The following CASR variants were observed in gnomAD, a reference collection of about 807,000 sequenced individuals.
CASR encodes calcium sensing receptor, also known as extracellular calcium-sensing receptor.
Under a neutral mutation model 69.1 loss-of-function variants are expected in CASR, and 23 were observed. That is an observed-to-expected ratio of 0.33 (90% CI 0.24 to 0.47). CASR has a LOEUF of 0.47. CASR is among the 20% of genes least tolerant of loss of function. The probability of loss-of-function intolerance (pLI) is 1.00; values close to 1 mark genes in which losing one functional copy is unlikely to be tolerated. For synonymous variants in CASR, 541 were observed against 544.7 expected, an observed-to-expected ratio of 0.99 and a Z score of 0.10; for missense variants, 924 against 1,356.1, an observed-to-expected ratio of 0.68 and a Z score of 5.00.
In CASR at chr3:122,289,663, G is replaced by C. The variant is rs1357944155; in HGVS notation, c.*4472G>C. 6.6e-6 allele frequency: 1 copy of C among 152,436 alleles called. No individual in the cohort carries two copies. Among genetic ancestry groups the C allele is most frequent in the African/African-American group, 2.4e-5 (1 of 41,462 alleles). The allele number at this position is 152,436 out of a possible 1,614,324, so 9.4% of individuals were successfully genotyped here. A position where few individuals can be genotyped will look rare whatever the true frequency, so the allele number is the denominator to read the frequency against. Reference sequence around the variant, plus strand: ...GGGACAACTGTGACTCTAGCACCGAGTGGGGCTAGGGGAACCTTCTCCTCT... The same window carrying C: ...GGGACAACTGTGACTCTAGCACCGACTGGGGCTAGGGGAACCTTCTCCTCT... On this transcript the variant is annotated 3_prime_UTR_variant, in exon 7 of 7. Coordinates refer to ENST00000639785, the MANE Select transcript of CASR (RefSeq NM_000388.4).
chr3:122,249,011 G>A (rs531540356), intron 1 of CASR, among the ~76,000 whole-genome samples: 2 of 152,334 alleles, frequency 1.3e-5, no homozygotes, highest in South Asian at 2.1e-4. Flanking sequence ...TCATGGAGAA[G>A]CCTCTGCCTA....
chr3:122,197,180 C>A (rs541928621), intron 1 of CASR, among the ~76,000 whole-genome samples: 188 of 152,198 alleles, frequency 1.2e-3, no homozygotes, highest in Admixed American at 2.9e-3. Flanking sequence ...TTTTGCCCAC[C>A]AACCTGGTGG....
intron 1 of CASR, among the ~76,000 whole-genome samples, chr3:122,240,848 G>T (rs916661349): frequency 6.6e-6 from 1 of 152,000 alleles, no homozygotes; most frequent in African/African-American, 2.4e-5. Flanking sequence ...TGACCACAAT[G>T]AAATAAAACT....
chr3:122,212,767 G>A (rs1243713058), intron 1 of CASR, among the ~76,000 whole-genome samples: 3 of 151,692 alleles, frequency 2.0e-5, no homozygotes, highest in African/African-American at 4.9e-5. Context: ...TCAGCTTCCC[G>A]AGTAGCTGGG....
intron 1 of CASR, among the ~76,000 whole-genome samples, chr3:122,231,859 C>T (rs901052279): frequency 2.0e-5 from 3 of 152,024 alleles, no homozygotes; most frequent in African/African-American, 7.3e-5. Context: ...TTGTAAATAC[C>T]GACGGGCTTG....
intron 1 of CASR, among the ~76,000 whole-genome samples, chr3:122,222,645 G>A (rs2074183025): frequency 6.6e-6 from 1 of 152,002 alleles, no homozygotes; most frequent in Non-Finnish European, 1.5e-5. Flanking sequence ...CCACTGACAG[G>A]ATTAGACAGA....
intron 1 of CASR, among the ~76,000 whole-genome samples, chr3:122,205,086 T>A (rs2073993504): frequency 6.6e-6 from 1 of 152,120 alleles, no homozygotes; most frequent in South Asian, 2.1e-4. Flanking sequence ...TTTGATGTAA[T>A]CCCATTTTTC....
At position 122,284,995 on chromosome 3, in the gene CASR, TC is replaced by T. The variant is rs2074952162; in HGVS notation, c.3044del (p.Pro1015ArgfsTer9). ...ACGCTGACCCGACACGAGCCATTAC[TC>T]CCGCTGCAGTGCGGGGAAACGGACT... ...SDTLTRHEPL[L>X]PLQCGETDLD... On this transcript the variant is annotated frameshift_variant, in exon 7 of 7. Transcript: ENST00000639785. LOFTEE classifies it low-confidence loss of function (END_TRUNC). The T allele has an allele frequency of 6.2e-7, 1 of 1,614,166 alleles. No individual in the cohort carries two copies. The highest frequency in any genetic ancestry group is 8.5e-7 in the Non-Finnish European group (1 of 1,180,030).
intron 1 of CASR, among the ~76,000 whole-genome samples, chr3:122,206,572 A>T (rs756274377): frequency 8.5e-5 from 13 of 152,170 alleles, no homozygotes; most frequent in Admixed American, 3.9e-4. Flanking sequence ...TTTTGGTATC[A>T]GGATAACGCT....
rs141033412 is a variant in CASR at position 122,184,238 on chromosome 3, T to C, written c.-243+426T>C. The C allele has an allele frequency of 3.4e-3, 523 of 152,900 alleles. 2 individuals carry two copies. Among genetic ancestry groups the C allele is most frequent in the African/African-American group, 0.012 (497 of 41,544 alleles). 9.5% of individuals were successfully genotyped at this position (152,900 alleles called of 1,614,324 possible). A position where few individuals can be genotyped will look rare whatever the true frequency, so the allele number is the denominator to read the frequency against. On this transcript the variant is annotated intron_variant, in intron 1 of 6. Transcript: ENST00000639785. ...CTACGAGGGGAGCTGGGCTCGGCAG[T>C]TGGGGACCCCGAGGGGGCAAGCGGG... is the stretch of plus-strand genomic sequence containing the variant.
chr3:122,239,121 G>T (rs1247353156), intron 1 of CASR, among the ~76,000 whole-genome samples: 3 of 152,176 alleles, frequency 2.0e-5, no homozygotes, highest in Non-Finnish European at 4.4e-5. Flanking sequence ...GGGCTCTTGG[G>T]TCCCGAGCCC....
At chr3:122,276,073 C>A in intron 5 of CASR, 31 bp downstream of exon 5, 2 of 1,398,184 alleles carry the variant, frequency 1.4e-6, no homozygotes, top group South Asian at 2.3e-5. Context: ...AACCAGATGT[C>A]TCCACCAGGG....
intron 1 of CASR, among the ~76,000 whole-genome samples, chr3:122,192,679 C>T (rs2073850471): frequency 6.6e-6 from 1 of 152,180 alleles, no homozygotes; most frequent in Admixed American, 6.5e-5. Context: ...CCCAAATCTT[C>T]CATCCCAGGG....
At chr3:122,242,785 T>C (rs570214563) in intron 1 of CASR, among the ~76,000 whole-genome samples, 45 of 152,226 alleles carry the variant, frequency 3.0e-4, no homozygotes, top group Admixed American at 1.1e-3. Context: ...GCTACAGAAG[T>C]ATGGCAACCA....
chr3:122,217,829 A>T lies in CASR; in HGVS notation c.-243+34017A>T, dbSNP rs528499960. On this transcript the variant is annotated intron_variant, in intron 1 of 6. Coordinates refer to ENST00000639785, the MANE Select transcript of CASR (RefSeq NM_000388.4). Reference sequence around the variant, plus strand: ...GCCACAGAAAAAAAAATGTTCAATAAATGTTAGCTATTATTTTTGGTGTTA... The same window carrying T: ...GCCACAGAAAAAAAAATGTTCAATATATGTTAGCTATTATTTTTGGTGTTA... Among the ~76,000 whole-genome samples, 45 of 152,300 alleles carry T rather than the reference A, an allele frequency of 3.0e-4. No individual in the cohort carries two copies. The Middle Eastern group carries it at 0.02, about 69-fold the overall frequency.
Position 122,275,067 on chromosome 3 carries a change from T to C in CASR, c.1378-745T>C, listed in dbSNP as rs80120687. 1.2e-4 allele frequency among the ~76,000 whole-genome samples: 19 copies of C among 152,348 alleles called. No individual in the cohort carries two copies. The East Asian group carries it at 2.5e-3, about 20-fold the overall frequency. On this transcript the variant is annotated intron_variant, in intron 4 of 6. Transcript: ENST00000639785. ...CCCAGAAATAAAATAAGCTTAATAC[T>C]ATTTGTTGTGAGGATTTGATTAGAT...
chr3:122,267,778 G>T (rs2074710961), intron 4 of CASR, among the ~76,000 whole-genome samples: 1 of 152,062 alleles, frequency 6.6e-6, no homozygotes, highest in Non-Finnish European at 1.5e-5. Flanking sequence ...CCTCAAAAAA[G>T]TTGATAAAAA....
chr3:122,279,541 C>A (rs966636810), intron 5 of CASR, among the ~76,000 whole-genome samples: 1 of 152,066 alleles, frequency 6.6e-6, no homozygotes, highest in African/African-American at 2.4e-5. Context: ...TGTACAGGAA[C>A]GTAATGATAG....
In CASR at chr3:122,254,204, C is replaced by T; in HGVS notation, c.15C>T (p.Ser5=). ...ACGGCAGAACCATGGCATTTTATAG[C>T]TGCTGCTGGGTCCTCTTGGCACTCA... MAFY[S]CCWVLLALTW... The change falls in exon 2 of 7, where the codon AGC becomes AGT. Residue 5 remains serine (S), a synonymous_variant. Transcript: ENST00000639785. 1.2e-6 allele frequency: 2 copies of T among 1,613,162 alleles called. No homozygotes were observed. Among genetic ancestry groups the T allele is most frequent in the East Asian group, 4.5e-5 (2 of 44,888 alleles).
Sources: gnomAD v4.1 joint callset for allele counts (sites outside exome capture counted in the v4.1 genomes callset) on GRCh38, gnomAD v4.1.1 for gene constraint, MANE v1.5 for transcripts, NCBI Gene and HGNC (gene_info 2026-07-23, HGNC 2026-07-21) for gene names.